Variants in PSMC6 observed in about 807,000 individuals in gnomAD.
PSMC6 encodes 26S proteasome regulatory subunit 10B.
PSMC6 carries 3 observed loss-of-function variants against 55.9 expected under a neutral mutation model. The ratio of observed to expected loss-of-function variants is 0.05; its 90% confidence interval spans 0.02 to 0.14. PSMC6 has a LOEUF of 0.14. PSMC6 is among the 10% of genes least tolerant of loss of function. PSMC6 has a pLI of 1.00. For synonymous variants in PSMC6, 137 were observed against 155.9 expected (o/e 0.88, Z 0.90); for missense variants, 210 against 478.7 (o/e 0.44, Z 5.24).
In PSMC6 at chr14:52,712,062, C is replaced by T. The variant is rs115377933; in HGVS notation, c.441+538C>T. Among the ~76,000 whole-genome samples, 1,089 of 152,322 alleles carry T rather than the reference C, an allele frequency of 7.1e-3. 12 individuals carry two copies. The highest frequency in any genetic ancestry group is 0.025 in the African/African-American group (1,024 of 41,554). ...GGATTGCCTTACTTCATAGCACAGA[C>T]AGCTTCTTAACTGTTATCTGTAAAG... On this transcript the variant is annotated intron_variant, in intron 6 of 13. Coordinates refer to ENST00000445930, the MANE Select transcript of PSMC6 (RefSeq NM_002806.5).
intron 13 of PSMC6, among the ~76,000 whole-genome samples, chr14:52,726,474 C>T (rs1880415308): frequency 6.6e-6 from 1 of 152,132 alleles, no homozygotes; most frequent in African/African-American, 2.4e-5. Context: ...CAAACTTACT[C>T]AAGATTTTTT....
intron 13 of PSMC6, 62 bp downstream of exon 13, chr14:52,724,098 T>C: frequency 3.4e-6 from 5 of 1,484,230 alleles, no homozygotes; most frequent in Non-Finnish European, 4.7e-6. Flanking sequence ...TGAAACTGTT[T>C]TGAGTTTATC....
rs919928825 is a variant in PSMC6 at position 52,726,486 on chromosome 14, T to C, written c.1052-1013T>C. Among the ~76,000 whole-genome samples the C allele has an allele frequency of 3.3e-5, 5 of 152,178 alleles. No individual in the cohort carries two copies. The South Asian group carries it at 6.2e-4, about 19-fold the overall frequency. ...TATCAAACTTACTCAAGATTTTTTTTCCCCCATAAATGTGTGCCTTCCAGC... is the reference window on the plus strand; with the variant it reads ...TATCAAACTTACTCAAGATTTTTTTCCCCCCATAAATGTGTGCCTTCCAGC... On this transcript the variant is annotated intron_variant, in intron 13 of 13. Transcript: ENST00000445930.
intron 4 of PSMC6, 135 bp downstream of exon 4, chr14:52,708,951 T>A: frequency 7.7e-7 from 1 of 1,296,466 alleles, no homozygotes; most frequent in Non-Finnish European, 1.0e-6. Flanking sequence ...CAGACATAGC[T>A]AGTTATTAAC....
intron 9 of PSMC6, 150 bp downstream of exon 9, chr14:52,718,502 T>G (rs1299146152): frequency 1.1e-6 from 1 of 876,276 alleles, no homozygotes; most frequent in South Asian, 1.8e-5. Context: ...TAAATAACCT[T>G]TCATGGCCGG....
rs7140826 is a variant in PSMC6 at position 52,714,475 on chromosome 14, G to A, written c.529+507G>A. 3.6e-3 allele frequency among the ~76,000 whole-genome samples: 553 copies of A among 152,246 alleles called. 2 individuals carry two copies. The highest frequency in any genetic ancestry group is 0.012 in the African/African-American group (504 of 41,530). On this transcript the variant is annotated intron_variant, in intron 7 of 13. Transcript: ENST00000445930. The stretch of plus-strand genomic sequence containing the variant: ...CCTCACAGTACATTTATCTTAACAG[G>A]CCATGTGATTCTAGTGCAACAGTCC...
At chr14:52,726,096 G>C (rs1247667782) in intron 13 of PSMC6, among the ~76,000 whole-genome samples, 1 of 152,170 alleles carries the variant, frequency 6.6e-6, no homozygotes, top group South Asian at 2.1e-4. Context: ...CAGATCCTCA[G>C]TGGAAATTTT....
In PSMC6 at chr14:52,711,081, C is replaced by G. The variant is rs1309221742; in HGVS notation, c.259-20C>G. ...CCGTTTTTAAGTGTTGATGTAATAT[C>G]TTTTGTTTTACAAAACTAGCTTGAC... On this transcript the variant is annotated intron_variant, in intron 4 of 13. Transcript: ENST00000445930. 7.6e-6 allele frequency: 12 copies of G among 1,578,368 alleles called. No individual in the cohort carries two copies. Among genetic ancestry groups the G allele is most frequent in the Non-Finnish European group, 1.0e-5 (12 of 1,156,258 alleles).
intron 10 of PSMC6, among the ~76,000 whole-genome samples, chr14:52,719,529 C>T (rs1157695777): frequency 1.3e-5 from 2 of 152,190 alleles, no homozygotes; most frequent in Non-Finnish European, 2.9e-5. Flanking sequence ...CCAGTTTTAC[C>T]TTTCCCCACT....
At chr14:52,715,596 T>TTTTTCTTTTTTTCTTTTC (rs914783760) in intron 7 of PSMC6, among the ~76,000 whole-genome samples, 1 of 151,862 alleles carries the variant, frequency 6.6e-6, no homozygotes, top group Non-Finnish European at 1.5e-5. Context: ...TGGTTGAAGC[T>TTTTTCTTTTTTTCTTTTC]TTTTCTTTTT....
At chr14:52,709,352 T>C (rs1418979401) in intron 4 of PSMC6, among the ~76,000 whole-genome samples, 1 of 152,240 alleles carries the variant, frequency 6.6e-6, no homozygotes, top group African/African-American at 2.4e-5. Context: ...TTAGGAAGTG[T>C]CCTTAGATAA....
chr14:52,718,021 T>A, intron 7 of PSMC6, 60 bp from the exon 8 acceptor site: 3 of 1,522,760 alleles, frequency 2.0e-6, no homozygotes, highest in Non-Finnish European at 2.7e-6. Flanking sequence ...TGATTGCCTG[T>A]CTCAAAACAA....
chr14:52,713,451 GTGTTGTATTTTCAAATGCAAA>G (rs1281717120), intron 6 of PSMC6, among the ~76,000 whole-genome samples: 12 of 152,044 alleles, frequency 7.9e-5, no homozygotes, highest in Non-Finnish European at 1.3e-4. Context: ...GAATTATTTT[GTGTTGTATTTTCAAATGCAAA>G]CTAGTATAGA....
At chr14:52,726,115 T>C (rs1880402427) in intron 13 of PSMC6, among the ~76,000 whole-genome samples, 1 of 152,198 alleles carries the variant, frequency 6.6e-6, no homozygotes, top group South Asian at 2.1e-4. Context: ...TTAGAATTCA[T>C]TTAATTAGTA....
At position 52,727,529 on chromosome 14, in the gene PSMC6, T is replaced by C; in HGVS notation, c.1082T>C (p.Phe361Ser). 6.2e-7 allele frequency: 1 copy of C among 1,612,048 alleles called. No homozygotes were observed. The highest frequency in any genetic ancestry group is 1.7e-5 in the Admixed American group (1 of 60,014). ...GMFAIRADHD[F>S]VVQEDFMKAV... is the part of the protein sequence containing the mutation. Reference sequence around the variant, plus strand: ...TTCGCAATTCGTGCTGATCATGATTTTGTAGTACAGGAAGACTTCATGAAA... The same window carrying C: ...TTCGCAATTCGTGCTGATCATGATTCTGTAGTACAGGAAGACTTCATGAAA... The change falls in exon 14 of 14, where the codon TTT becomes TCT. Residue 361 changes from phenylalanine (F) to serine (S), a missense_variant. Phe to Ser is a radical substitution (Grantham distance 155). Coordinates refer to ENST00000445930, the MANE Select transcript of PSMC6 (RefSeq NM_002806.5).
chr14:52,720,911 C>T lies in PSMC6; in HGVS notation c.828C>T (p.Ile276=), dbSNP rs1390166319. The T allele has an allele frequency of 6.8e-6, 11 of 1,611,068 alleles. No homozygotes were observed. Among genetic ancestry groups the T allele is most frequent in the Non-Finnish European group, 8.5e-6 (10 of 1,177,552 alleles). ...GFDTLHRVKM[I]MATNRPDTLD... ...ATACTCTGCATAGAGTTAAAATGAT[C>T]ATGGCTACAAACAGACCAGATACAC... Residue 276 remains isoleucine (I), a synonymous_variant, in exon 11 of 14, where the codon ATC becomes ATT. Transcript: ENST00000445930.
rs183828867 is a variant in PSMC6 at position 52,718,401 on chromosome 14, A to G, written c.715+49A>G. 7.1e-6 allele frequency: 11 copies of G among 1,552,926 alleles called. No individual in the cohort carries two copies. The Admixed American group carries it at 2.1e-4, about 29-fold the overall frequency. The stretch of plus-strand genomic sequence containing the variant: ...AGTTTTAGGACTTTTTTTTAAATGT[A>G]AAAGAACCTTTTTCCCTCTCTTAAT... On this transcript the variant is annotated intron_variant, in intron 9 of 13. Coordinates refer to ENST00000445930, the MANE Select transcript of PSMC6 (RefSeq NM_002806.5).
In PSMC6 at chr14:52,718,297, T is replaced by C. The variant is rs192140484; in HGVS notation, c.660T>C (p.Asn220=). The C allele has an allele frequency of 6.8e-6, 11 of 1,612,926 alleles. No individual in the cohort carries two copies. The Admixed American group carries it at 1.2e-4, about 17-fold the overall frequency. The change falls in exon 9 of 14, where the codon AAT becomes AAC. Residue 220 remains asparagine, a synonymous_variant. Transcript: ENST00000445930. ...CTCGTTTGATCAGAGAAATGTTTAA[T>C]TATGCTAGAGATCATCAACCATGCA... ...ESARLIREMF[N]YARDHQPCII... is the part of the protein sequence containing the mutation.
intron 7 of PSMC6, among the ~76,000 whole-genome samples, chr14:52,715,596 TTTTTCTTTTTTTCTTTTC>T (rs914783760): frequency 6.6e-6 from 1 of 151,862 alleles, no homozygotes; most frequent in African/African-American, 2.4e-5. Context: ...TGGTTGAAGC[TTTTTCTTTTTTTCTTTTC>T]TTTTCTTTTT....
Sources: gnomAD v4.1 joint callset for allele counts (sites outside exome capture counted in the v4.1 genomes callset) on GRCh38, gnomAD v4.1.1 for gene constraint, MANE v1.5 for transcripts, NCBI Gene and HGNC (gene_info 2026-07-23, HGNC 2026-07-21) for gene names.